DOCK3: variants seen among roughly 807,000 people sequenced by gnomAD.
DOCK3 encodes the protein dedicator of cytokinesis 3, also known as dedicator of cytokinesis protein 3.
DOCK3 carries 60 observed loss-of-function variants against 265.6 expected under a neutral mutation model. The observed-to-expected ratio is 0.23, with a 90% CI of 0.18 to 0.28. The LOEUF (loss-of-function observed/expected upper bound fraction) is 0.28. Among genes scored for constraint, DOCK3 ranks in the 10% least tolerant of loss-of-function variants. The pLI is 1.00. For synonymous variants in DOCK3, 881 were observed against 938.0 expected (o/e 0.94, Z 1.11); for missense variants, 1,981 against 2,594.3 (o/e 0.76, Z 5.14).
chr3:51,286,034 A>G (rs886908368), intron 27 of DOCK3, among the ~76,000 whole-genome samples: 4 of 152,172 alleles, frequency 2.6e-5, no homozygotes, highest in African/African-American at 9.6e-5. Context: ...AACTATCTCT[A>G]TTTACAGATG....
chr3:51,352,236 TTTC>T (rs1232476824), intron 40 of DOCK3, among the ~76,000 whole-genome samples: 2 of 152,238 alleles, frequency 1.3e-5, no homozygotes, highest in African/African-American at 2.4e-5. Flanking sequence ...TTCTTGTCAT[TTTC>T]TTCTTCCTGT....
Position 51,239,564 on chromosome 3 carries a change from T to G in DOCK3, c.2102+1974T>G, listed in dbSNP as rs560033461. Reference sequence around the variant, plus strand: ...ATCTGTCTGGTCCTGGGTTTTTTTTTTGTTTGTTTGTTTTTTGTTTTTTTT... The same window carrying G: ...ATCTGTCTGGTCCTGGGTTTTTTTTGTGTTTGTTTGTTTTTTGTTTTTTTT... On this transcript the variant is annotated intron_variant, in intron 21 of 52. Transcript: ENST00000266037. Among the ~76,000 whole-genome samples, 442 of 139,626 alleles carry G rather than the reference T, an allele frequency of 3.2e-3. 2 individuals carry two copies. Among genetic ancestry groups the G allele is most frequent in the East Asian group, 8.5e-3 (41 of 4,846 alleles). 91.6% of individuals were successfully genotyped at this position (139,626 alleles called of 152,430 possible).
chr3:51,050,969 GCTTTAC>G (rs2080972881), intron 5 of DOCK3, among the ~76,000 whole-genome samples: 1 of 152,020 alleles, frequency 6.6e-6, no homozygotes, highest in African/African-American at 2.4e-5. Flanking sequence ...TAAATTTTTA[GCTTTAC>G]ACTTTGTGAT....
At chr3:50,858,199 G>A (rs964238722) in intron 3 of DOCK3, among the ~76,000 whole-genome samples, 1 of 151,984 alleles carries the variant, frequency 6.6e-6, no homozygotes, top group Non-Finnish European at 1.5e-5. Flanking sequence ...AACACCACAT[G>A]TTCTCACTCA....
intron 10 of DOCK3, among the ~76,000 whole-genome samples, chr3:51,157,370 C>T (rs867869642): frequency 3.3e-5 from 5 of 152,076 alleles, no homozygotes; most frequent in African/African-American, 7.2e-5. Context: ...TTCAGCCTCC[C>T]GAGTAGCTGG....
intron 1 of DOCK3, among the ~76,000 whole-genome samples, chr3:50,683,564 C>T (rs2034561034): frequency 6.6e-6 from 1 of 152,146 alleles, no homozygotes; most frequent in African/African-American, 2.4e-5. Context: ...CCAGCCGTAC[C>T]ACCTTTGTGA....
chr3:51,057,260 T>C (rs563384901), intron 5 of DOCK3, among the ~76,000 whole-genome samples: 2 of 152,348 alleles, frequency 1.3e-5, no homozygotes, highest in East Asian at 3.9e-4. Flanking sequence ...CATGCGTTTG[T>C]AAAGTAGTTT....
intron 2 of DOCK3, among the ~76,000 whole-genome samples, chr3:50,828,614 A>G (rs1201168192): frequency 5.3e-5 from 8 of 152,006 alleles, no homozygotes; most frequent in Non-Finnish European, 1.0e-4. Flanking sequence ...CACGTTGTCC[A>G]GGCTGGTCTC....
chr3:50,888,388 A>G (rs2048453884), intron 3 of DOCK3, among the ~76,000 whole-genome samples: 1 of 152,230 alleles, frequency 6.6e-6, no homozygotes, highest in African/African-American at 2.4e-5. Context: ...AAAACATTCC[A>G]TGCTCATGGG....
chr3:50,807,425 G>C (rs755907443), intron 2 of DOCK3, among the ~76,000 whole-genome samples: 1 of 152,036 alleles, frequency 6.6e-6, no homozygotes, highest in Non-Finnish European at 1.5e-5. Flanking sequence ...CTCCTGAAGG[G>C]CGTTAATCTC....
chr3:51,295,307 GAAATC>G (rs1240340200), intron 27 of DOCK3, among the ~76,000 whole-genome samples: 5 of 152,230 alleles, frequency 3.3e-5, no homozygotes, highest in African/African-American at 1.2e-4. Context: ...TGGTGAGAGA[GAAATC>G]AAGAAAGAGG....
In DOCK3 at chr3:51,356,278, G is replaced by GC. The variant is rs2086356917; in HGVS notation, c.4416+24dup. On this transcript the variant is annotated intron_variant, in intron 42 of 52. Coordinates refer to ENST00000266037, the MANE Select transcript of DOCK3 (RefSeq NM_004947.5). The stretch of plus-strand genomic sequence containing the variant: ...AAGGTGAACAAATCTAGGAAAACGG[G>GC]CAGTACACACAGCAAGTCCAGGGGC... The GC allele has an allele frequency of 1.9e-6, 3 of 1,613,514 alleles. No individual in the cohort carries two copies. The Admixed American group carries it at 5.0e-5, about 27-fold the overall frequency.
chr3:51,221,586 C>T (rs1001365955), intron 14 of DOCK3, among the ~76,000 whole-genome samples: 1 of 152,146 alleles, frequency 6.6e-6, no homozygotes, highest in Non-Finnish European at 1.5e-5. Flanking sequence ...GCAGCTGTAC[C>T]AACAGATCCT....
intron 5 of DOCK3, among the ~76,000 whole-genome samples, chr3:51,005,836 T>C (rs1189547569): frequency 1.3e-5 from 2 of 152,124 alleles, no homozygotes; most frequent in African/African-American, 4.8e-5. Flanking sequence ...CAGAGAAATG[T>C]TCCAGAATGA....
rs1186595948 is a variant in DOCK3, at chr3:51,227,556, G to C, written c.1540+111G>C. On this transcript the variant is annotated intron_variant, in intron 16 of 52. Transcript: ENST00000266037. ...ATTTGGGCAAGAAAATGAAGAGTTAGGAATAAACAGCTACTCAGAGATGGG... is the reference window on the plus strand; with the variant it reads ...ATTTGGGCAAGAAAATGAAGAGTTACGAATAAACAGCTACTCAGAGATGGG... The C allele has an allele frequency of 5.8e-5, 84 of 1,452,270 alleles. 1 individual carries two copies. Among genetic ancestry groups the C allele is most frequent in the Non-Finnish European group, 5.3e-5 (57 of 1,075,606 alleles). The allele number at this position is 1,452,270 out of a possible 1,614,324, so 90.0% of individuals were successfully genotyped here. A position where few individuals can be genotyped will look rare whatever the true frequency, so the allele number is the denominator to read the frequency against.
intron 12 of DOCK3, among the ~76,000 whole-genome samples, chr3:51,198,822 G>A (rs922286446): frequency 1.3e-5 from 2 of 152,086 alleles, no homozygotes; most frequent in African/African-American, 4.8e-5. Flanking sequence ...TTGGGTCAGG[G>A]GTTCAAGACC....
intron 3 of DOCK3, among the ~76,000 whole-genome samples, chr3:50,874,042 G>GTTTTTTTTTTTTT (rs869155239): frequency 8.7e-6 from 1 of 115,176 alleles, no homozygotes; most frequent in Admixed American, 8.5e-5. Context: ...TCATGAAGGT[G>GTTTTTTTTTTTTT]TTTTTTTTTT....
At position 50,921,644 on chromosome 3, in the gene DOCK3, A is replaced by C. The variant is rs1308433944; in HGVS notation, c.219-12337A>C. The stretch of plus-strand genomic sequence containing the variant: ...GGAGAAGAGGTGCTCTGATTTTTAG[A>C]ATTTTCAGCTTTTCTGCTCTGGTTT... On this transcript the variant is annotated intron_variant, in intron 4 of 52. Coordinates refer to ENST00000266037, the MANE Select transcript of DOCK3 (RefSeq NM_004947.5). Among the ~76,000 whole-genome samples, 3 of 150,500 alleles carry C rather than the reference A, an allele frequency of 2.0e-5. No individual in the cohort carries two copies. In the East Asian group the frequency reaches 5.9e-4, roughly 30 times the overall value.
intron 6 of DOCK3, among the ~76,000 whole-genome samples, chr3:51,069,436 G>A (rs115111629): frequency 0.032 from 4,899 of 151,836 alleles, 288 homozygotes; most frequent in African/African-American, 0.11. Flanking sequence ...TGCATTAACC[G>A]AGAACTGACA....
Sources: gnomAD v4.1 joint callset for allele counts (sites outside exome capture counted in the v4.1 genomes callset) on GRCh38, gnomAD v4.1.1 for gene constraint, MANE v1.5 for transcripts, NCBI Gene and HGNC (gene_info 2026-07-23, HGNC 2026-07-21) for gene names.